Variants in HIC2 observed in about 807,000 individuals in gnomAD.
The protein encoded by HIC2 is HIC ZBTB transcriptional repressor 2.
Under a neutral mutation model 39.5 loss-of-function variants are expected in HIC2, and 2 were observed. The ratio of observed to expected loss-of-function variants is 0.05; its 90% CI spans 0.02 to 0.16. The LOEUF (loss-of-function observed/expected upper bound fraction) is 0.16. Among genes scored for constraint, HIC2 ranks in the 10% least tolerant of loss-of-function variants. The probability of loss-of-function intolerance (pLI) is 1.00; values close to 1 mark genes in which losing one functional copy is unlikely to be tolerated. For missense variants in HIC2, 713 were observed against 863.5 expected (o/e 0.83, Z 2.18); for synonymous variants, 399 against 368.8 (o/e 1.08, Z -0.94).
chr22:21,446,198 G>T lies in HIC2; in HGVS notation c.1303G>T (p.Val435Leu), dbSNP rs749128734. The T allele has an allele frequency of 6.2e-6, 10 of 1,611,366 alleles. No individual in the cohort carries two copies. The African/African-American group carries it at 9.3e-5, about 15-fold the overall frequency. The change falls in exon 3 of 3, where the codon GTG (valine) becomes TTG (leucine). Residue 435 changes from valine (V) to leucine (L), a missense_variant. This residue lies in a region of HIC2 where 457 missense variants were observed against 420.2 expected (regional missense o/e 1.09). Coordinates refer to ENST00000407464, the MANE Select transcript of HIC2 (RefSeq NM_015094.3). The stretch of plus-strand genomic sequence containing the variant: ...GTACCGGCAGGAGGGCTACGAGACG[G>T]TGTCCTACGGGGACAACTTGTATGT... ...YMYRQEGYET[V>L]SYGDNLYVCI...
Position 21,444,947 on chromosome 22 carries a change from G to T in HIC2, c.52G>T (p.Asp18Tyr). The change falls in exon 3 of 3, where the codon GAC becomes TAC. Residue 18 changes from aspartate (D) to tyrosine (Y), a missense_variant. Asp to Tyr is a radical substitution (Grantham distance 160). This residue lies in a region of HIC2 where 102 missense variants were observed against 187.1 expected (regional missense o/e 0.55). Coordinates refer to ENST00000407464, the MANE Select transcript of HIC2 (RefSeq NM_015094.3). ...LRWCAWAGRG[D>Y]MGPDMELPSH... is the part of the protein sequence containing the mutation. ...GTGGTGCGCGTGGGCAGGGCGCGGG[G>T]ACATGGGGCCCGACATGGAGCTGCC... The T allele has an allele frequency of 1.2e-6, 2 of 1,612,998 alleles. No individual in the cohort carries two copies. Among genetic ancestry groups the T allele is most frequent in the Non-Finnish European group, 1.7e-6 (2 of 1,179,892 alleles).
At position 21,447,001 on chromosome 22, in the gene HIC2, G is replaced by A. The variant is rs552917965; in HGVS notation, c.*258G>A. ...CCCCCAGCTCCCCGCGGGGGCCACCGCAGGGCCTGTGGGCTGGGTCACGTG... is the reference window on the plus strand; with the variant it reads ...CCCCCAGCTCCCCGCGGGGGCCACCACAGGGCCTGTGGGCTGGGTCACGTG... On this transcript the variant is annotated 3_prime_UTR_variant, in exon 3 of 3. Transcript: ENST00000407464. 14 of 527,332 alleles carry A rather than the reference G, an allele frequency of 2.7e-5. No homozygotes were observed. Among genetic ancestry groups the A allele is most frequent in the Admixed American group, 2.2e-4 (6 of 27,094 alleles). 32.7% of individuals were successfully genotyped at this position (527,332 alleles called of 1,614,324 possible). A position where few individuals can be genotyped will look rare whatever the true frequency, so the allele number is the denominator to read the frequency against.
intron 2 of HIC2, among the ~76,000 whole-genome samples, chr22:21,443,610 T>C (rs1923637453): frequency 6.6e-6 from 1 of 152,126 alleles, no homozygotes; most frequent in South Asian, 2.1e-4. Flanking sequence ...TGCTCGGTTG[T>C]CCGTCAGCCA....
intron 1 of HIC2, among the ~76,000 whole-genome samples, chr22:21,425,165 TAAAA>T (rs553933693): frequency 4.5e-4 from 1 of 2,206 alleles, no homozygotes; most frequent in African/African-American, 7.8e-3. Flanking sequence ...AGACTCCATC[TAAAA>T]AAAAAAAAAA....
In HIC2 at chr22:21,447,716, G is replaced by T. The variant is rs1205277442; in HGVS notation, c.*973G>T. On this transcript the variant is annotated 3_prime_UTR_variant, in exon 3 of 3. Coordinates refer to ENST00000407464, the MANE Select transcript of HIC2 (RefSeq NM_015094.3). ...AACTGGAAGGTCTGGGGTTCCGGGG[G>T]GTGGGGGGAGGCTAGACTCAATGCC... 2 of 152,666 alleles carry T rather than the reference G, an allele frequency of 1.3e-5. No individual in the cohort carries two copies. The highest frequency in any genetic ancestry group is 3.8e-4 in the East Asian group (2 of 5,302). The allele number at this position is 152,666 out of a possible 1,614,324, so 9.5% of individuals were successfully genotyped here. A position where few individuals can be genotyped will look rare whatever the true frequency, so the allele number is the denominator to read the frequency against.
In HIC2 at chr22:21,446,428, G is replaced by A. The variant is rs774743592; in HGVS notation, c.1533G>A (p.Glu511=). ...EPRPFKCSVC[E]KTYKDPATLR... is the part of the protein sequence containing the mutation. ...GGCCCTTCAAGTGTTCGGTCTGCGA[G>A]AAGACCTACAAGGACCCAGCCACGC... Residue 511 remains glutamate, a synonymous_variant, in exon 3 of 3, where the codon GAG becomes GAA. Transcript: ENST00000407464. 2.7e-5 allele frequency: 43 copies of A among 1,612,060 alleles called. No individual in the cohort carries two copies. The highest frequency in any genetic ancestry group is 3.6e-5 in the Non-Finnish European group (43 of 1,180,032).
Position 21,446,988 on chromosome 22 carries a change from C to T in HIC2, c.*245C>T, listed in dbSNP as rs546920488. 59 of 561,442 alleles carry T rather than the reference C, an allele frequency of 1.1e-4. No homozygotes were observed. The highest frequency in any genetic ancestry group is 8.1e-4 in the East Asian group (26 of 32,256). 34.8% of individuals were successfully genotyped at this position (561,442 alleles called of 1,614,324 possible). On this transcript the variant is annotated 3_prime_UTR_variant, in exon 3 of 3. Transcript: ENST00000407464. ...CATCCCACCCAGGCCCCCAGCTCCC[C>T]GCGGGGGCCACCGCAGGGCCTGTGG... is the stretch of plus-strand genomic sequence containing the variant.
At chr22:21,442,886 C>G in intron 2 of HIC2, 29 bp downstream of exon 2, 1 of 1,436,576 alleles carries the variant, frequency 7.0e-7, no homozygotes, top group Non-Finnish European at 9.1e-7. Context: ...GGGACCGCCA[C>G]TGGCCCCTTT....
chr22:21,417,591 C>CGGGGAGCGG (rs1225600536), intron 1 of HIC2, 31 bp downstream of exon 1: 18 of 146,690 alleles, frequency 1.2e-4, no homozygotes, highest in Middle Eastern at 3.4e-3. Context: ...GCGGGGGGCG[C>CGGGGAGCGG]GGGGAGCGGG....
At chr22:21,417,712 G>T (rs1310218253) in intron 1 of HIC2, among the ~76,000 whole-genome samples, 152 bp downstream of exon 1, 3,562 of 138,762 alleles carry the variant, frequency 0.026, 19 homozygotes, top group Non-Finnish European at 0.038. Context: ...CGTCTGGCGG[G>T]CCTGGGCTGG....
In HIC2 at chr22:21,446,969, AC is replaced by A; in HGVS notation, c.*229del. On this transcript the variant is annotated 3_prime_UTR_variant, in exon 3 of 3. Transcript: ENST00000407464. ...CCCAGCCCGTCTACCTCCCCATCCC[AC>A]CCAGGCCCCCAGCTCCCCGCGGGGG... 1.7e-6 allele frequency: 1 copy of A among 605,858 alleles called. No individual in the cohort carries two copies. Among genetic ancestry groups the A allele is most frequent in the Non-Finnish European group, 2.7e-6 (1 of 366,982 alleles). 37.5% of individuals were successfully genotyped at this position (605,858 alleles called of 1,614,324 possible).
At chr22:21,425,456 C>A (rs905081228) in intron 1 of HIC2, among the ~76,000 whole-genome samples, 4 of 149,820 alleles carry the variant, frequency 2.7e-5, no homozygotes, top group African/African-American at 9.8e-5. Flanking sequence ...GCAACCTCCA[C>A]CTCCTGGGTT....
chr22:21,445,585 C>T lies in HIC2; in HGVS notation c.690C>T (p.Cys230=), dbSNP rs764592577. ...PAGGEAGLGG[C]SSSTNGSSGG... ...GCGGGGAGGCGGGTCTGGGGGGCTG[C>T]AGCAGCAGCACCAACGGGAGCAGCG... The change falls in exon 3 of 3, where the codon TGC becomes TGT. Residue 230 remains cysteine, a synonymous_variant. Transcript: ENST00000407464. 6.3e-7 allele frequency: 1 copy of T among 1,582,090 alleles called. No individual in the cohort carries two copies. Among genetic ancestry groups the T allele is most frequent in the Non-Finnish European group, 8.6e-7 (1 of 1,165,178 alleles).
In HIC2 at chr22:21,446,641, G is replaced by T; in HGVS notation, c.1746G>T (p.Val582=). Residue 582 remains valine, a synonymous_variant, in exon 3 of 3, where the codon GTG becomes GTT. Transcript: ENST00000407464. Reference sequence around the variant, plus strand: ...ACCGCCTCACGGAGCACATGCGTGTGCACTCGGGCGAGAAACCTTACGAGT... The same window carrying T: ...ACCGCCTCACGGAGCACATGCGTGTTCACTCGGGCGAGAAACCTTACGAGT... ...RQYRLTEHMR[V]HSGEKPYECQ... is the part of the protein sequence containing the mutation. 6.2e-7 allele frequency: 1 copy of T among 1,613,888 alleles called. No individual in the cohort carries two copies. The highest frequency in any genetic ancestry group is 1.1e-5 in the South Asian group (1 of 91,092).
At chr22:21,444,781 C>T in intron 2 of HIC2, 141 bp from the exon 3 acceptor site, 1 of 832,398 alleles carries the variant, frequency 1.2e-6, no homozygotes, top group South Asian at 1.7e-5. Flanking sequence ...GGCTTATGTG[C>T]CGTGTACTGT....
Position 21,445,965 on chromosome 22 carries a change from C to T in HIC2, c.1070C>T (p.Pro357Leu). The T allele has an allele frequency of 6.4e-7, 1 of 1,563,572 alleles. No homozygotes were observed. The highest frequency in any genetic ancestry group is 1.2e-5 in the South Asian group (1 of 83,856). Residue 357 changes from proline (P) to leucine (L), a missense_variant, in exon 3 of 3, where the codon CCC becomes CTC. Around this residue, in one of 5 missense-constraint regions of HIC2, gnomAD observed 457 missense variants for 420.2 expected, o/e 1.09. Transcript: ENST00000407464. Reference protein sequence around the residue: ...GSPFERREAGPKGPCPGEEGE... With the variant: ...GSPFERREAGLKGPCPGEEGE... ...CCCTTTGAGCGGAGAGAAGCAGGGC[C>T]CAAGGGTCCCTGCCCGGGAGAGGAG...
rs74700811 is a variant in HIC2 at position 21,444,783 on chromosome 22, G to A, written c.27-139G>A. On this transcript the variant is annotated intron_variant, in intron 2 of 2. Transcript: ENST00000407464. Reference sequence around the variant, plus strand: ...GGTGGGCATTGTGGGCTTATGTGCCGTGTACTGTGCCGCAGGGGCTCCTGC... The same window carrying A: ...GGTGGGCATTGTGGGCTTATGTGCCATGTACTGTGCCGCAGGGGCTCCTGC... The A allele has an allele frequency of 6.3e-4, 540 of 854,922 alleles. 3 individuals are homozygous for A. The African/African-American group carries it at 8.4e-3, about 13-fold the overall frequency. The allele number at this position is 854,922 out of a possible 1,614,324, so 53.0% of individuals were successfully genotyped here. A position where few individuals can be genotyped will look rare whatever the true frequency, so the allele number is the denominator to read the frequency against.
In HIC2 at chr22:21,446,210, G is replaced by T. The variant is rs1923826847; in HGVS notation, c.1315G>T (p.Asp439Tyr). Residue 439 changes from aspartate to tyrosine, a missense_variant, in exon 3 of 3, where the codon GAC becomes TAC. This residue lies in a region of HIC2 where 457 missense variants were observed against 420.2 expected (regional missense o/e 1.09). Coordinates refer to ENST00000407464, the MANE Select transcript of HIC2 (RefSeq NM_015094.3). ...GGGCTACGAGACGGTGTCCTACGGGGACAACTTGTATGTGTGCATTCCCTG... is the reference window on the plus strand; with the variant it reads ...GGGCTACGAGACGGTGTCCTACGGGTACAACTTGTATGTGTGCATTCCCTG... Reference protein sequence around the residue: ...QEGYETVSYGDNLYVCIPCAK... With the variant: ...QEGYETVSYGYNLYVCIPCAK... 1 of 1,612,084 alleles carries T rather than the reference G, an allele frequency of 6.2e-7. No individual in the cohort carries two copies. Among genetic ancestry groups the T allele is most frequent in the African/African-American group, 1.3e-5 (1 of 74,952 alleles).
At position 21,446,568 on chromosome 22, in the gene HIC2, T is replaced by C; in HGVS notation, c.1673T>C (p.Leu558Pro). The change falls in exon 3 of 3, where the codon CTG (leucine) becomes CCG (proline). Residue 558 changes from leucine to proline, a missense_variant. Leu to Pro is a moderately conservative substitution (Grantham distance 98). Transcript: ENST00000407464. ...MTRHMRSHLGLKPFACDECGM... is the reference protein window; with the variant it reads ...MTRHMRSHLGPKPFACDECGM... ...CGTCACATGCGGAGCCACCTGGGCC[T>C]GAAGCCCTTCGCCTGCGATGAGTGT... 1 of 1,613,478 alleles carries C rather than the reference T, an allele frequency of 6.2e-7. No individual in the cohort carries two copies. The highest frequency in any genetic ancestry group is 8.5e-7 in the Non-Finnish European group (1 of 1,180,014).
Sources: allele counts gnomAD v4.1 joint callset (sites outside exome capture counted in the v4.1 genomes callset), GRCh38; gene constraint gnomAD v4.1.1; regional missense constraint gnomAD v4.1.1; transcripts MANE v1.5; gene names NCBI Gene and HGNC (gene_info 2026-07-23, HGNC 2026-07-21).